The following ADGRF4 variants were observed in gnomAD, a reference collection of about 807,000 sequenced individuals.
ADGRF4 encodes G-protein coupled receptor PGR18.
ADGRF4 carries 63 observed loss-of-function variants against 58.5 expected under a neutral mutation model. The observed-to-expected ratio is 1.08, with a 90% CI of 0.88 to 1.33. The LOEUF (loss-of-function observed/expected upper bound fraction) is 1.33, where lower values mean the gene tolerates loss of function less well. ADGRF4 is among the 40% of genes most tolerant of loss of function. The pLI is 0.00. For missense variants in ADGRF4, 931 were observed against 843.9 expected (o/e 1.10, Z -1.28); for synonymous variants, 313 against 295.4 (o/e 1.06, Z -0.61).
Position 47,714,429 on chromosome 6 carries a change from C to T in ADGRF4, c.1184C>T (p.Ser395Leu), listed in dbSNP as rs775954938. Residue 395 changes from serine (S) to leucine (L), a missense_variant, in exon 6 of 10, where the codon TCG becomes TTG. Ser to Leu is a moderately radical substitution (Grantham distance 145). Coordinates refer to ENST00000283303, the MANE Select transcript of ADGRF4 (RefSeq NM_153838.5). ...MSFSILMSSK[S>L]MTDKVLDYIT... ...TTTTCCATTCTCATGTCCTCCAAAT[C>T]GATGACCGACAAAGTTCTGGACTAC... 8.7e-6 allele frequency: 14 copies of T among 1,613,960 alleles called. No individual in the cohort carries two copies. In the East Asian group the frequency reaches 8.9e-5, roughly 10 times the overall value.
chr6:47,713,748 T>C (rs745454241), intron 5 of ADGRF4, 50 bp from the exon 6 acceptor site: 3 of 1,391,630 alleles, frequency 2.2e-6, no homozygotes, highest in Middle Eastern at 1.9e-4. Flanking sequence ...ATCAACTTTG[T>C]ACAACAATGT....
chr6:47,720,092 G>T (rs565469865), intron 9 of ADGRF4, among the ~76,000 whole-genome samples: 1 of 152,242 alleles, frequency 6.6e-6, no homozygotes, highest in East Asian at 1.9e-4. Context: ...CTGGCATCAT[G>T]GTAGACCATG....
Position 47,712,411 on chromosome 6 carries a change from A to T in ADGRF4, c.355A>T (p.Ile119Phe). The change falls in exon 5 of 10, where the codon ATT (isoleucine) becomes TTT (phenylalanine). Residue 119 changes from isoleucine to phenylalanine, a missense_variant. Coordinates refer to ENST00000283303, the MANE Select transcript of ADGRF4 (RefSeq NM_153838.5). ...AGCAGCACCATCTATACCTCTGCAT[A>T]TTCTAGACTTTCGAGCTCCAGAGAC... ...SVAAPSIPLH[I>F]LDFRAPETIE... is the part of the protein sequence containing the mutation. The T allele has an allele frequency of 1.2e-6, 2 of 1,613,946 alleles. No homozygotes were observed. Among genetic ancestry groups the T allele is most frequent in the Non-Finnish European group, 1.7e-6 (2 of 1,179,822 alleles).
Position 47,720,188 on chromosome 6 carries a change from C to T in ADGRF4, c.*4-1021C>T, listed in dbSNP as rs116450589. On this transcript the variant is annotated intron_variant, in intron 9 of 9. Transcript: ENST00000283303. ...AAGTCCAGAGTGGAGGGTGGCAGCA[C>T]CAGGGGGTCTCTCAGCGGAGACAGG... 4.3e-3 allele frequency among the ~76,000 whole-genome samples: 661 copies of T among 152,016 alleles called. 3 individuals are homozygous for T. Among genetic ancestry groups the T allele is most frequent in the African/African-American group, 0.014 (576 of 41,460 alleles).
rs905979015 is a variant in ADGRF4 at position 47,710,872 on chromosome 6, G to T, written c.286G>T (p.Glu96Ter). The change falls in exon 4 of 10, where the codon GAA (glutamate) becomes TAA (stop). Residue 96 changes from glutamate to a stop codon, truncating the protein, a stop_gained. Transcript: ENST00000283303. LOFTEE classifies it high-confidence loss of function. ...SAETCTSLSV[E>*]KLFKDSTGAS... ...TGAAACATGTACAAGCCTTTCTGTGGAAAAACTCTTTAAGGTGATGCATTC... is the reference window on the plus strand; with the variant it reads ...TGAAACATGTACAAGCCTTTCTGTGTAAAAACTCTTTAAGGTGATGCATTC... 1.2e-6 allele frequency: 2 copies of T among 1,612,236 alleles called. No individual in the cohort carries two copies. Among genetic ancestry groups the T allele is most frequent in the Non-Finnish European group, 1.7e-6 (2 of 1,179,552 alleles).
rs1373743110 is a variant in ADGRF4, at chr6:47,714,786, T to C, written c.1541T>C (p.Met514Thr). Reference sequence around the variant, plus strand: ...TTCCGTAGGATGATGAAGTCCCGAATGATGGTCATTGGCTTTGCCATTGGC... The same window carrying C: ...TTCCGTAGGATGATGAAGTCCCGAACGATGGTCATTGGCTTTGCCATTGGC... Reference protein sequence around the residue: ...VIFRRMMKSRMMVIGFAIGYG... With the variant: ...VIFRRMMKSRTMVIGFAIGYG... Residue 514 changes from methionine to threonine, a missense_variant, in exon 6 of 10, where the codon ATG becomes ACG. Met to Thr is a moderately conservative substitution (Grantham distance 81, BLOSUM62 -1). Transcript: ENST00000283303. The C allele has an allele frequency of 5.0e-6, 8 of 1,613,968 alleles. No individual in the cohort carries two copies. The highest frequency in any genetic ancestry group is 8.5e-7 in the Non-Finnish European group (1 of 1,179,902).
At chr6:47,717,798 ATC>A (rs1772060469) in intron 8 of ADGRF4, among the ~76,000 whole-genome samples, 1 of 152,092 alleles carries the variant, frequency 6.6e-6, no homozygotes, top group African/African-American at 2.4e-5. Flanking sequence ...TGGCATTAAA[ATC>A]TCTTTCCATT....
intron 3 of ADGRF4, among the ~76,000 whole-genome samples, chr6:47,710,193 C>G (rs149385833): frequency 3.3e-4 from 51 of 152,276 alleles, no homozygotes; most frequent in African/African-American, 1.2e-3. Flanking sequence ...GTTCAGAACA[C>G]TTAGTATTCA....
chr6:47,708,168 G>T, intron 2 of ADGRF4, 56 bp from the exon 3 acceptor site: 2 of 1,321,302 alleles, frequency 1.5e-6, no homozygotes, highest in South Asian at 2.4e-5. Context: ...TCTAAGCTGA[G>T]ATGAGGGAGC....
intron 4 of ADGRF4, among the ~76,000 whole-genome samples, chr6:47,711,269 T>C (rs1468901425): frequency 6.6e-6 from 1 of 152,190 alleles, no homozygotes; most frequent in African/African-American, 2.4e-5. Flanking sequence ...TTGATATCTC[T>C]TTTTTTGTTT....
chr6:47,700,664 C>T (rs894445882), intron 1 of ADGRF4, among the ~76,000 whole-genome samples: 3 of 152,124 alleles, frequency 2.0e-5, no homozygotes, highest in Non-Finnish European at 4.4e-5. Flanking sequence ...ACATAAGGCT[C>T]CAGGCAGTAC....
At chr6:47,720,170 G>A (rs1401756601) in intron 9 of ADGRF4, among the ~76,000 whole-genome samples, 1 of 152,158 alleles carries the variant, frequency 6.6e-6, no homozygotes, top group Non-Finnish European at 1.5e-5. Flanking sequence ...CCAAAGTCCA[G>A]AGTGGAGGGT....
At chr6:47,709,181 G>T (rs1332349371) in intron 3 of ADGRF4, among the ~76,000 whole-genome samples, 1 of 152,202 alleles carries the variant, frequency 6.6e-6, no homozygotes, top group Non-Finnish European at 1.5e-5. Flanking sequence ...TCATTTTATT[G>T]ATTTGAACAC....
rs115968193 is a variant in ADGRF4 at position 47,714,946 on chromosome 6, C to G, written c.1701C>G (p.Phe567Leu). The change falls in exon 6 of 10, where the codon TTC (phenylalanine) becomes TTG (leucine). Residue 567 changes from phenylalanine to leucine, a missense_variant. By Grantham distance (22) the Phe-to-Leu change is conservative (BLOSUM62 0). Transcript: ENST00000283303. Reference sequence around the variant, plus strand: ...TTTTAGCATTTGCCATCCCGGCGTTCGTCATTGTGGCTGTAAATCTGATTG... The same window carrying G: ...TTTTAGCATTTGCCATCCCGGCGTTGGTCATTGTGGCTGTAAATCTGATTG... Reference protein sequence around the residue: ...KALLAFAIPAFVIVAVNLIVV... With the variant: ...KALLAFAIPALVIVAVNLIVV... 2,260 of 1,613,652 alleles carry G rather than the reference C, an allele frequency of 1.4e-3. 21 individuals are homozygous for G. The highest frequency in any genetic ancestry group is 0.014 in the African/African-American group (1,018 of 75,026).
At chr6:47,704,118 C>A (rs1402397262) in intron 1 of ADGRF4, among the ~76,000 whole-genome samples, 6 of 151,730 alleles carry the variant, frequency 4.0e-5, no homozygotes, top group Middle Eastern at 3.4e-3. Flanking sequence ...GGCATGACCT[C>A]AGCTCACTGC....
chr6:47,704,282 C>T (rs563205979), intron 1 of ADGRF4, among the ~76,000 whole-genome samples: 3 of 152,154 alleles, frequency 2.0e-5, no homozygotes, highest in Non-Finnish European at 4.4e-5. Context: ...GACCTCAGGT[C>T]AGCCTCCCAA....
chr6:47,720,807 A>G (rs1266074251), intron 9 of ADGRF4, among the ~76,000 whole-genome samples: 1 of 152,206 alleles, frequency 6.6e-6, no homozygotes, highest in African/African-American at 2.4e-5. Flanking sequence ...AAAAGGATAC[A>G]GAGTTTTTCA....
rs1771775981 is a variant in ADGRF4 at position 47,708,386 on chromosome 6, G to A, written c.148+108G>A. 9.3e-6 allele frequency: 7 copies of A among 751,616 alleles called. No homozygotes were observed. The South Asian group carries it at 1.1e-4, about 12-fold the overall frequency. 46.6% of individuals were successfully genotyped at this position (751,616 alleles called of 1,614,324 possible). A position where few individuals can be genotyped will look rare whatever the true frequency, so the allele number is the denominator to read the frequency against. On this transcript the variant is annotated intron_variant, in intron 3 of 9. Transcript: ENST00000283303. ...AGACCACAGGCTTTCCAACTGAATAGCAATCTCCAGTAAGTCCTCTGTGCT... is the reference window on the plus strand; with the variant it reads ...AGACCACAGGCTTTCCAACTGAATAACAATCTCCAGTAAGTCCTCTGTGCT...
At chr6:47,715,321 A>G (rs41452951) in intron 6 of ADGRF4, 144 bp downstream of exon 6, 160,210 of 647,680 alleles carry the variant, frequency 0.25, 23,431 homozygotes, top group East Asian at 0.56. Flanking sequence ...CTGTGACTGT[A>G]TTGATTGTCA....
Sources: allele counts gnomAD v4.1 joint callset (sites outside exome capture counted in the v4.1 genomes callset), GRCh38; gene constraint gnomAD v4.1.1; transcripts MANE v1.5; gene names NCBI Gene and HGNC (gene_info 2026-07-23, HGNC 2026-07-21).